The following RPGRIP1 variants were observed in gnomAD, a reference collection of about 807,000 sequenced individuals.
The protein encoded by RPGRIP1 is X-linked retinitis pigmentosa GTPase regulator-interacting protein 1.
In RPGRIP1, 128 loss-of-function variants were observed where a neutral mutation model predicts 157.9. That is an observed-to-expected ratio of 0.81 (90% CI 0.70 to 0.94). RPGRIP1 has a LOEUF of 0.94. Among genes scored for constraint, RPGRIP1 ranks in the 40% least tolerant of loss-of-function variants. RPGRIP1 has a pLI of 0.00. For missense variants in RPGRIP1, 1,486 were observed against 1,545.8 expected (o/e 0.96, Z 0.65); for synonymous variants, 554 against 571.6 (o/e 0.97, Z 0.44).
At chr14:21,329,165 A>G (rs1284870073) in intron 19 of RPGRIP1, among the ~76,000 whole-genome samples, 2 of 150,458 alleles carry the variant, frequency 1.3e-5, no homozygotes, top group African/African-American at 4.9e-5. Flanking sequence ...AAAAAAAAAA[A>G]TTAGCCAGGC....
rs747229138 is a variant in RPGRIP1, at chr14:21,330,239, T to C, written c.3100-10T>C. On this transcript the variant is annotated splice_polypyrimidine_tract_variant and intron_variant, in intron 19 of 24. Transcript: ENST00000400017. ...ACCAGCTATGTAGTATTGTTGTTCT[T>C]ATTCTGAAGCAGGTGAATTACACTG... The C allele has an allele frequency of 2.6e-6, 4 of 1,541,686 alleles. No individual in the cohort carries two copies. The highest frequency in any genetic ancestry group is 3.5e-6 in the Non-Finnish European group (4 of 1,152,330).
intron 21 of RPGRIP1, among the ~76,000 whole-genome samples, chr14:21,336,617 A>G (rs1024070749): frequency 1.3e-5 from 2 of 152,218 alleles, no homozygotes. Context: ...GATATTATGT[A>G]GTTATCTGAC....
chr14:21,292,312 G>A (rs1039813303), intron 2 of RPGRIP1, among the ~76,000 whole-genome samples: 2 of 145,948 alleles, frequency 1.4e-5, no homozygotes, highest in East Asian at 1.9e-4. Context: ...CTTTGGTTGG[G>A]AAGTTGTATT....
In RPGRIP1 at chr14:21,343,216, C is replaced by T. The variant is rs1885198357; in HGVS notation, c.3520C>T (p.His1174Tyr). ...KPRAGEEIHF[H>Y]FSKVIDLDPQ... ...TAGGGCAGGAGAAGAAATCCACTTT[C>T]ACTTTAGCAAGGGTGAGGCATCCTG... Residue 1174 changes from histidine (H) to tyrosine (Y), a missense_variant, in exon 22 of 25, where the codon CAC (histidine) becomes TAC (tyrosine). Coordinates refer to ENST00000400017, the MANE Select transcript of RPGRIP1 (RefSeq NM_020366.4). 6.2e-7 allele frequency: 1 copy of T among 1,612,328 alleles called. No homozygotes were observed. Among genetic ancestry groups the T allele is most frequent in the African/African-American group, 1.3e-5 (1 of 74,870 alleles).
At chr14:21,319,182 C>T (rs1314795572) in intron 11 of RPGRIP1, among the ~76,000 whole-genome samples, 1 of 152,142 alleles carries the variant, frequency 6.6e-6, no homozygotes, top group Non-Finnish European at 1.5e-5. Flanking sequence ...TTGTAAGGAC[C>T]TTCAGGGCAA....
At chr14:21,306,287 C>G (rs1274277102) in intron 6 of RPGRIP1, among the ~76,000 whole-genome samples, 1 of 150,428 alleles carries the variant, frequency 6.6e-6, no homozygotes, top group Non-Finnish European at 1.5e-5. Flanking sequence ...CACCCACCAC[C>G]ACACCTGGCT....
chr14:21,330,903 T>C (rs1415616201), intron 20 of RPGRIP1, among the ~76,000 whole-genome samples: 5 of 151,734 alleles, frequency 3.3e-5, no homozygotes, highest in Non-Finnish European at 7.4e-5. Context: ...CCCAGGATTT[T>C]TTTGTTTTGT....
chr14:21,320,332 C>T (rs1157962407), intron 12 of RPGRIP1, among the ~76,000 whole-genome samples, 155 bp downstream of exon 12: 1 of 151,492 alleles, frequency 6.6e-6, no homozygotes, highest in Admixed American at 6.6e-5. Context: ...CGCTGTCGCC[C>T]AGGCTGGAGT....
At chr14:21,318,195 C>T in intron 11 of RPGRIP1, 1 of 475,066 alleles carries the variant, frequency 2.1e-6, no homozygotes. Flanking sequence ...CAACCTTCAC[C>T]TCCCAGGTAC....
chr14:21,325,195 C>T (rs780643672), intron 15 of RPGRIP1, 37 bp from the exon 16 acceptor site: 4 of 1,570,618 alleles, frequency 2.5e-6, no homozygotes, highest in South Asian at 2.4e-5. Flanking sequence ...GCCACACCAT[C>T]TGTATTCCCC....
chr14:21,312,801 G>A (rs1181842529), intron 10 of RPGRIP1, among the ~76,000 whole-genome samples: 3 of 151,244 alleles, frequency 2.0e-5, no homozygotes, highest in Non-Finnish European at 4.4e-5. Context: ...CGATTCTCCT[G>A]ACTCTTCTTC....
chr14:21,308,852 T>C (rs1881428832), intron 7 of RPGRIP1, among the ~76,000 whole-genome samples: 1 of 152,172 alleles, frequency 6.6e-6, no homozygotes, highest in Non-Finnish European at 1.5e-5. Flanking sequence ...TGACCAGGCA[T>C]GTCACTCATG....
intron 1 of RPGRIP1, among the ~76,000 whole-genome samples, chr14:21,287,343 A>G (rs1880336817): frequency 6.6e-6 from 1 of 152,232 alleles, no homozygotes; most frequent in Non-Finnish European, 1.5e-5. Context: ...AGGCAACTCT[A>G]TAGACAGGAT....
At chr14:21,303,303 A>G in intron 5 of RPGRIP1, 28 bp from the exon 6 acceptor site, 1 of 1,538,958 alleles carries the variant, frequency 6.5e-7, no homozygotes, top group Non-Finnish European at 8.9e-7. Context: ...CTGTAACAAC[A>G]GTTTCTAAGT....
At chr14:21,338,252 A>G (rs1884610867) in intron 21 of RPGRIP1, among the ~76,000 whole-genome samples, 1 of 152,180 alleles carries the variant, frequency 6.6e-6, no homozygotes, top group African/African-American at 2.4e-5. Flanking sequence ...GGAGGGAGCA[A>G]TCATTTTCAT....
intron 11 of RPGRIP1, chr14:21,318,085 G>T (rs1881959787): frequency 3.0e-6 from 2 of 671,822 alleles, no homozygotes; most frequent in Admixed American, 2.0e-5. Flanking sequence ...CATTTGAGAA[G>T]ATGCTAGTTT....
chr14:21,308,834 G>A (rs1030891647), intron 7 of RPGRIP1, among the ~76,000 whole-genome samples: 4 of 152,174 alleles, frequency 2.6e-5, no homozygotes, highest in African/African-American at 9.7e-5. Flanking sequence ...GGGCTCAGGG[G>A]ATTGGTTTGA....
chr14:21,323,819 G>A (rs1882763300), intron 14 of RPGRIP1: 1 of 151,854 alleles, frequency 6.6e-6, no homozygotes, highest in Non-Finnish European at 1.5e-5. Context: ...AAGACATTCC[G>A]ATGTGTCCAG....
At chr14:21,292,885 G>A (rs972788590) in intron 2 of RPGRIP1, among the ~76,000 whole-genome samples, 3 of 151,210 alleles carry the variant, frequency 2.0e-5, no homozygotes, top group African/African-American at 4.9e-5. Context: ...AGTGGCTCAC[G>A]CCTGTAATCC....
Sources: gnomAD v4.1 joint callset for allele counts (sites outside exome capture counted in the v4.1 genomes callset) on GRCh38, gnomAD v4.1.1 for gene constraint, MANE v1.5 for transcripts, NCBI Gene and HGNC (gene_info 2026-07-23, HGNC 2026-07-21) for gene names.